The following CLNK variants were observed in gnomAD, a reference collection of about 807,000 sequenced individuals.
The protein encoded by CLNK is cytokine-dependent hematopoietic cell linker.
A neutral mutation model predicts 68.6 loss-of-function variants in CLNK; 74 were observed. The ratio of observed to expected loss-of-function variants is 1.08; its 90% CI spans 0.89 to 1.31. CLNK has a LOEUF of 1.31. Ranked by LOEUF, CLNK falls within the 50% of genes most tolerant of loss-of-function variation. CLNK has a pLI of 0.00. For synonymous variants in CLNK, 198 were observed against 172.2 expected (o/e 1.15, Z -1.17); for missense variants, 553 against 515.3 (o/e 1.07, Z -0.71).
chr4:10,547,513 C>A (rs1001789306), intron 8 of CLNK, among the ~76,000 whole-genome samples: 1 of 152,256 alleles, frequency 6.6e-6, no homozygotes, highest in African/African-American at 2.4e-5. Flanking sequence ...AGCATAATAT[C>A]TATCCTCTTA....
chr4:10,500,498 T>C (rs1001196068), intron 18 of CLNK, among the ~76,000 whole-genome samples: 4 of 152,034 alleles, frequency 2.6e-5, no homozygotes, highest in African/African-American at 9.7e-5. Flanking sequence ...CTGACCAACA[T>C]GGTGAAACCC....
chr4:10,524,087 A>AGGAGGAGGAG, intron 14 of CLNK: 1 of 153,850 alleles, frequency 6.5e-6, no homozygotes, highest in African/African-American at 2.5e-5. Context: ...AGAAAAGAGA[A>AGGAGGAGGAG]GAGGAGGAGG....
At chr4:10,622,612 T>A (rs1722500597) in intron 2 of CLNK, among the ~76,000 whole-genome samples, 1 of 152,242 alleles carries the variant, frequency 6.6e-6, no homozygotes, top group African/African-American at 2.4e-5. Flanking sequence ...AATTTTGGTA[T>A]TAAAACTTGT....
chr4:10,570,455 A>G (rs1051516801), intron 5 of CLNK, among the ~76,000 whole-genome samples: 1 of 152,324 alleles, frequency 6.6e-6, no homozygotes, highest in South Asian at 2.1e-4. Flanking sequence ...ATATCTATTT[A>G]TCTATTAATG....
chr4:10,496,382 G>A (rs934461662), intron 18 of CLNK, among the ~76,000 whole-genome samples: 1 of 152,096 alleles, frequency 6.6e-6, no homozygotes, highest in East Asian at 1.9e-4. Flanking sequence ...TTAAAGAGGC[G>A]TGATTCTTCC....
intron 1 of CLNK, among the ~76,000 whole-genome samples, chr4:10,669,577 A>C (rs1247223416): frequency 6.6e-6 from 1 of 152,180 alleles, no homozygotes; most frequent in Non-Finnish European, 1.5e-5. Flanking sequence ...GTAGTACATG[A>C]AAAAGAATGA....
chr4:10,533,033 T>C (rs1358151670), intron 11 of CLNK, among the ~76,000 whole-genome samples: 1 of 152,060 alleles, frequency 6.6e-6, no homozygotes, highest in Non-Finnish European at 1.5e-5. Context: ...TGAGGCAGGC[T>C]GATCACTTGA....
chr4:10,589,513 G>C (rs949300725), intron 3 of CLNK, among the ~76,000 whole-genome samples: 1 of 152,174 alleles, frequency 6.6e-6, no homozygotes, highest in Non-Finnish European at 1.5e-5. Context: ...TGCAAGCCAA[G>C]TGAATTAGCA....
At chr4:10,717,777 C>G in the CLNK span, among the ~76,000 whole-genome samples, 1 of 152,096 alleles carries the variant, frequency 6.6e-6, no homozygotes, top group East Asian at 1.9e-4. Context: ...AATCCAGAGT[C>G]TCATAATATA....
intron 2 of CLNK, among the ~76,000 whole-genome samples, chr4:10,598,417 T>C (rs1015545087): frequency 3.5e-4 from 53 of 152,308 alleles, no homozygotes; most frequent in African/African-American, 1.2e-3. Context: ...ATCATACTTT[T>C]GCCACATGGT....
the CLNK span, among the ~76,000 whole-genome samples, chr4:10,707,556 A>G: frequency 6.6e-6 from 1 of 152,286 alleles, no homozygotes; most frequent in East Asian, 1.9e-4. Flanking sequence ...GTATTAATTT[A>G]TGAATGTGCC....
At chr4:10,584,976 A>G in intron 3 of CLNK, 21 bp from the exon 4 acceptor site, 1 of 1,613,360 alleles carries the variant, frequency 6.2e-7, no homozygotes, top group Non-Finnish European at 8.5e-7. Flanking sequence ...AAAGAGAACC[A>G]AGTTAAATGT....
rs887766155 is a variant in CLNK at position 10,537,593 on chromosome 4, C to T, written c.602+2901G>A. 2.6e-5 allele frequency among the ~76,000 whole-genome samples: 4 copies of T among 151,978 alleles called. No individual in the cohort carries two copies. The South Asian group carries it at 8.3e-4, about 32-fold the overall frequency. On this transcript the variant is annotated intron_variant, in intron 11 of 18. Coordinates refer to ENST00000226951, the MANE Select transcript of CLNK (RefSeq NM_052964.4). ...GTTTCCTTCCTCTCTTCATCCCTCC[C>T]TCCCTGTCTTTCTCCCTTTCTCTCT...
Position 10,525,188 on chromosome 4 carries a change from C to T in CLNK, c.731+653G>A, listed in dbSNP as rs567584080. ...CACGCCATTCTCCTGCCTCAGCCTC[C>T]CGAGTAGCTGGGACTACAGGCACCC... On this transcript the variant is annotated intron_variant, in intron 14 of 18. Coordinates refer to ENST00000226951, the MANE Select transcript of CLNK (RefSeq NM_052964.4). 3.0e-4 allele frequency among the ~76,000 whole-genome samples: 46 copies of T among 152,238 alleles called. No homozygotes were observed. In the South Asian group the frequency reaches 8.9e-3, roughly 30 times the overall value.
intron 12 of CLNK, among the ~76,000 whole-genome samples, chr4:10,529,922 A>C (rs2109057586): frequency 6.6e-6 from 1 of 152,310 alleles, no homozygotes; most frequent in African/African-American, 2.4e-5. Flanking sequence ...TTTTATTGTT[A>C]GAAAATAAAC....
In CLNK at chr4:10,664,348, C is replaced by T. The variant is rs1724311892; in HGVS notation, c.11+3511G>A. On this transcript the variant is annotated intron_variant, in intron 2 of 18. Coordinates refer to ENST00000226951, the MANE Select transcript of CLNK (RefSeq NM_052964.4). ...TCTAACGCTCCTTCAGGTTTAAAATCTACTACCTTGAATTGACTGGGTTAA... is the reference window on the plus strand; with the variant it reads ...TCTAACGCTCCTTCAGGTTTAAAATTTACTACCTTGAATTGACTGGGTTAA... Among the ~76,000 whole-genome samples the T allele has an allele frequency of 2.6e-5, 4 of 152,136 alleles. No individual in the cohort carries two copies. The South Asian group carries it at 8.3e-4, about 31-fold the overall frequency.
At chr4:10,551,824 GATT>G (rs34513392) in intron 8 of CLNK, among the ~76,000 whole-genome samples, 4,603 of 151,410 alleles carry the variant, frequency 0.03, 243 homozygotes, top group African/African-American at 0.11. Context: ...CCTTTGCAAA[GATT>G]ATATCAGTGA....
At chr4:10,632,874 ATAAGCAG>A (rs1260744226) in intron 2 of CLNK, among the ~76,000 whole-genome samples, 1 of 152,256 alleles carries the variant, frequency 6.6e-6, no homozygotes, top group East Asian at 1.9e-4. Context: ...ATTGGCCCAA[ATAAGCAG>A]ATGAGGCTGC....
At chr4:10,617,761 T>C (rs1722292119) in intron 2 of CLNK, among the ~76,000 whole-genome samples, 1 of 152,230 alleles carries the variant, frequency 6.6e-6, no homozygotes, top group Admixed American at 6.5e-5. Context: ...GTTTGTTACT[T>C]CTTTGGCAGG....
Sources: allele counts gnomAD v4.1 joint callset (sites outside exome capture counted in the v4.1 genomes callset), GRCh38; gene constraint gnomAD v4.1.1; transcripts MANE v1.5; gene names NCBI Gene and HGNC (gene_info 2026-07-23, HGNC 2026-07-21).